DENND2A: variants seen among roughly 807,000 people sequenced by gnomAD.
The protein encoded by DENND2A is DENN domain-containing protein 2A.
In DENND2A, 53 loss-of-function variants were observed where a neutral mutation model predicts 105.3. The ratio of observed to expected loss-of-function variants is 0.50; its 90% CI spans 0.40 to 0.63. DENND2A has a LOEUF of 0.63. Ranked by LOEUF, DENND2A falls within the 30% of genes least tolerant of loss-of-function variation. The pLI is 0.00. For synonymous variants in DENND2A, 522 were observed against 508.4 expected, an observed-to-expected ratio of 1.03 and a Z score of -0.36; for missense variants, 1,138 against 1,279.6, an observed-to-expected ratio of 0.89 and a Z score of 1.69.
chr7:140,551,429 G>A (rs1490651349), intron 12 of DENND2A, among the ~76,000 whole-genome samples: 1 of 152,070 alleles, frequency 6.6e-6, no homozygotes, highest in Admixed American at 6.6e-5. Flanking sequence ...CTGCCTTCGT[G>A]TTTTGTGTGC....
chr7:140,524,356 T>C (rs1054055776), intron 16 of DENND2A, among the ~76,000 whole-genome samples: 1 of 152,216 alleles, frequency 6.6e-6, no homozygotes, highest in African/African-American at 2.4e-5. Flanking sequence ...ACATGTGTGT[T>C]ACCTTCTCTG....
intron 1 of DENND2A, among the ~76,000 whole-genome samples, chr7:140,627,667 G>A (rs983342023): frequency 1.2e-4 from 18 of 151,768 alleles, no homozygotes; most frequent in Admixed American, 4.6e-4. Flanking sequence ...GACCAAAGGC[G>A]TGCACTGCAA....
chr7:140,625,095 G>A (rs1182426018), intron 1 of DENND2A, among the ~76,000 whole-genome samples: 1 of 152,134 alleles, frequency 6.6e-6, no homozygotes, highest in African/African-American at 2.4e-5. Flanking sequence ...TTAGCCATGA[G>A]GCCAGGCACG....
At position 140,527,463 on chromosome 7, in the gene DENND2A, G is replaced by A. The variant is rs763399697; in HGVS notation, c.2360C>T (p.Ala787Val). 5 of 1,605,658 alleles carry A rather than the reference G, an allele frequency of 3.1e-6. No individual in the cohort carries two copies. The highest frequency in any genetic ancestry group is 1.1e-5 in the South Asian group (1 of 89,716). ...CTGCCAGGCGAAGGGGTAGATCAGCGCCACCATCGCGTGGCAGCACTTGGA... is the reference window on the plus strand; with the variant it reads ...CTGCCAGGCGAAGGGGTAGATCAGCACCACCATCGCGTGGCAGCACTTGGA... The part of the protein sequence containing the change: ...ILSKCCHAMV[A>V]LIYPFAWQHT... The change falls in exon 15 of 20, where the codon GCG becomes GTG. Residue 787 changes from alanine to valine, a missense_variant. Physicochemically the swap from Ala to Val is moderately conservative, Grantham distance 64. Around this residue, in one of 2 missense-constraint regions of DENND2A, gnomAD observed 627 missense variants for 779.8 expected, o/e 0.80. Coordinates refer to ENST00000496613, the MANE Select transcript of DENND2A (RefSeq NM_015689.5). The surrounding 1 kb of genome is among the most constrained non-coding windows in gnomAD (Gnocchi z 4.9).
chr7:140,585,221 C>T (rs1030282697), intron 5 of DENND2A, among the ~76,000 whole-genome samples: 1 of 152,172 alleles, frequency 6.6e-6, no homozygotes, highest in Non-Finnish European at 1.5e-5. Flanking sequence ...ACAACAACAA[C>T]CCACAAATGG....
chr7:140,528,149 G>C (rs1208096665), intron 14 of DENND2A, among the ~76,000 whole-genome samples: 4 of 151,954 alleles, frequency 2.6e-5, no homozygotes, highest in Non-Finnish European at 5.9e-5. Flanking sequence ...ACTCTTGTAA[G>C]GTTTTAATTT....
intron 2 of DENND2A, among the ~76,000 whole-genome samples, chr7:140,604,387 G>C (rs1043178304): frequency 6.6e-6 from 1 of 152,228 alleles, no homozygotes; most frequent in Non-Finnish European, 1.5e-5. Flanking sequence ...TTTAAATATG[G>C]CTATCAAGGC....
chr7:140,551,929 C>T (rs974261605), intron 12 of DENND2A, among the ~76,000 whole-genome samples: 2 of 152,200 alleles, frequency 1.3e-5, no homozygotes, highest in African/African-American at 2.4e-5. Flanking sequence ...GGTCAGAAAA[C>T]AGACATGAAA....
At chr7:140,551,968 T>A (rs1797156908) in intron 12 of DENND2A, among the ~76,000 whole-genome samples, 1 of 152,186 alleles carries the variant, frequency 6.6e-6, no homozygotes, top group Non-Finnish European at 1.5e-5. Flanking sequence ...CAGAAATATG[T>A]TAGCACATTT....
chr7:140,589,050 C>T (rs1188419520), intron 3 of DENND2A, among the ~76,000 whole-genome samples: 3 of 152,070 alleles, frequency 2.0e-5, no homozygotes, highest in Admixed American at 6.6e-5. Flanking sequence ...GCCTCTTATA[C>T]ACATTTTATT....
chr7:140,547,667 A>G (rs1159446956), intron 12 of DENND2A, among the ~76,000 whole-genome samples: 1 of 152,252 alleles, frequency 6.6e-6, no homozygotes, highest in African/African-American at 2.4e-5. Flanking sequence ...ATATATGTTC[A>G]CATAAAAATT....
intron 17 of DENND2A, 144 bp from the exon 18 acceptor site, chr7:140,522,244 A>G: frequency 2.0e-6 from 2 of 1,021,412 alleles, no homozygotes; most frequent in East Asian, 2.6e-5. Flanking sequence ...AGGGTTACCC[A>G]GGTTATTAAG....
intron 11 of DENND2A, among the ~76,000 whole-genome samples, chr7:140,557,529 ATAT>A (rs1797419155): frequency 3.0e-5 from 1 of 32,922 alleles, no homozygotes; most frequent in Non-Finnish European, 7.0e-5. Flanking sequence ...ATATATATAT[ATAT>A]TTTTTTTTTT....
intron 3 of DENND2A, among the ~76,000 whole-genome samples, chr7:140,595,313 A>G (rs1799238609): frequency 6.6e-6 from 1 of 152,120 alleles, no homozygotes; most frequent in South Asian, 2.1e-4. Context: ...GGCCCCGTGA[A>G]TGAATATTTT....
chr7:140,554,610 TG>T (rs1353531035), intron 12 of DENND2A, among the ~76,000 whole-genome samples: 10 of 152,178 alleles, frequency 6.6e-5, no homozygotes, highest in African/African-American at 2.4e-4. Context: ...CACTCCGGCC[TG>T]GGTGATAGAG....
At chr7:140,547,153 C>T (rs1385972974) in intron 12 of DENND2A, among the ~76,000 whole-genome samples, 1 of 152,208 alleles carries the variant, frequency 6.6e-6, no homozygotes, top group Non-Finnish European at 1.5e-5. Context: ...TGCAATGTTG[C>T]AGCTCCTACT....
intron 1 of DENND2A, among the ~76,000 whole-genome samples, chr7:140,606,815 G>A (rs1799703816): frequency 6.6e-6 from 1 of 152,242 alleles, no homozygotes; most frequent in Admixed American, 6.5e-5. Flanking sequence ...AGAAGTAGCA[G>A]TTGAAGACTC....
At chr7:140,626,370 G>A (rs551790660) in intron 1 of DENND2A, among the ~76,000 whole-genome samples, 2 of 152,306 alleles carry the variant, frequency 1.3e-5, no homozygotes, top group Non-Finnish European at 2.9e-5. Flanking sequence ...CTTTCCTGCT[G>A]TTGGTTTTGA....
At chr7:140,578,238 T>G (rs888826252) in intron 5 of DENND2A, among the ~76,000 whole-genome samples, 3 of 151,824 alleles carry the variant, frequency 2.0e-5, no homozygotes, top group African/African-American at 7.3e-5. Flanking sequence ...GGGTGGGGGG[T>G]GCAGTGGCAA....
Sources: gnomAD v4.1 joint callset for allele counts (sites outside exome capture counted in the v4.1 genomes callset) on GRCh38, gnomAD v4.1.1 for gene constraint, gnomAD v4.1.1 regional missense constraint, Gnocchi (gnomAD v3.1) non-coding constraint, MANE v1.5 for transcripts, NCBI Gene and HGNC (gene_info 2026-07-23, HGNC 2026-07-21) for gene names.